The following SOAT2 variants were observed in gnomAD, a reference collection of about 807,000 sequenced individuals.
SOAT2 encodes the protein sterol O-acyltransferase 2, also known as ACAT-2.
In SOAT2, 87 loss-of-function variants were observed where a neutral mutation model predicts 76.0. The ratio of observed to expected loss-of-function variants is 1.14; its 90% confidence interval spans 0.96 to 1.37. The LOEUF is 1.37. SOAT2 is among the 40% of genes most tolerant of loss of function. The pLI, the probability that SOAT2 is intolerant of heterozygous loss-of-function variation, is 0.00. For missense variants in SOAT2, 686 were observed against 682.1 expected, an observed-to-expected ratio of 1.01 and a Z score of -0.06; for synonymous variants, 285 against 275.4, an observed-to-expected ratio of 1.03 and a Z score of -0.34.
intron 11 of SOAT2, 152 bp from the exon 12 acceptor site, chr12:53,121,151 G>T (rs955339813): frequency 1.5e-6 from 1 of 667,976 alleles, no homozygotes; most frequent in African/African-American, 1.8e-5. Context: ...CCTGAGGAGG[G>T]AGGTGGGAGA....
rs1249872958 is a variant in SOAT2 at position 53,123,161 on chromosome 12, C to A, written c.1317C>A (p.Cys439Ter). The A allele has an allele frequency of 1.2e-6, 2 of 1,614,000 alleles. No individual in the cohort carries two copies. Among genetic ancestry groups the A allele is most frequent in the African/African-American group, 2.7e-5 (2 of 74,934 alleles). ...VSAVAHEYIF[C>*]FVLGFFYPVM... ...CAGTGGCCCATGAGTATATCTTCTG[C>A]TTCGTCCTGGGGTTCTTCTATCCCG... Residue 439 changes from cysteine to a stop codon, truncating the protein, a stop_gained, in exon 13 of 15, where the codon TGC becomes TGA. Transcript: ENST00000301466. LOFTEE classifies it high-confidence loss of function.
At chr12:53,118,307 C>T (rs1565628391) in intron 7 of SOAT2, 43 bp from the exon 8 acceptor site, 1 of 1,344,786 alleles carries the variant, frequency 7.4e-7, no homozygotes, top group Non-Finnish European at 1.1e-6. Flanking sequence ...CCTCTGCCCT[C>T]TGCCCTTGCC....
rs573208326 is a variant in SOAT2, at chr12:53,114,032, G to A, written c.444-1358G>A. On this transcript the variant is annotated intron_variant, in intron 5 of 14. Transcript: ENST00000301466. ...AAGGCCTAGGCAAAACTCTTGGTGG[G>A]CTTTTGTTACATTCTGGCCTTTGTA... 3.9e-5 allele frequency among the ~76,000 whole-genome samples: 6 copies of A among 152,196 alleles called. No individual in the cohort carries two copies. In the East Asian group the frequency reaches 9.7e-4, roughly 24 times the overall value.
chr12:53,113,247 A>G (rs1258938259), intron 5 of SOAT2, among the ~76,000 whole-genome samples: 1 of 152,146 alleles, frequency 6.6e-6, no homozygotes, highest in African/African-American at 2.4e-5. Context: ...AGTGAGCCCT[A>G]TTGCTTCCCT....
intron 11 of SOAT2, 97 bp downstream of exon 11, chr12:53,120,980 A>G: frequency 2.2e-6 from 2 of 906,780 alleles, no homozygotes; most frequent in Non-Finnish European, 1.8e-6. Flanking sequence ...CACTTCAGCC[A>G]TGCTGTTCAC....
Position 53,121,380 on chromosome 12 carries a change from C to T in SOAT2, c.1215C>T (p.Tyr405=), listed in dbSNP as rs763103587. 25 of 1,613,984 alleles carry T rather than the reference C, an allele frequency of 1.5e-5. No individual in the cohort carries two copies. Among genetic ancestry groups the T allele is most frequent in the African/African-American group, 6.7e-5 (5 of 74,912 alleles). The change falls in exon 12 of 15, where the codon TAC becomes TAT. Residue 405 remains tyrosine, a synonymous_variant. Transcript: ENST00000301466. ...TGGTCCATGACTGGCTGTACAGCTA[C>T]GTGTATCAGGATGGGCTGCGGGTAT... ...NVVVHDWLYS[Y]VYQDGLRLLG...
At position 53,105,547 on chromosome 12, in the gene SOAT2, A is replaced by T; in HGVS notation, c.276-14A>T. 6.2e-7 allele frequency: 1 copy of T among 1,609,312 alleles called. No homozygotes were observed. The highest frequency in any genetic ancestry group is 8.5e-7 in the Non-Finnish European group (1 of 1,177,140). On this transcript the variant is annotated splice_polypyrimidine_tract_variant and intron_variant, in intron 3 of 14. Transcript: ENST00000301466. ...TTTACTTTTTCCTGACCCTGAACAA[A>T]CATCTCAATTCAGGACCCAGGAGCC...
intron 10 of SOAT2, among the ~76,000 whole-genome samples, chr12:53,120,305 C>T (rs822686): frequency 0.27 from 40,596 of 151,682 alleles, 8,198 homozygotes; most frequent in African/African-American, 0.57. Flanking sequence ...CCATCTCTAC[C>T]AAAAATACAA....
At chr12:53,121,725 C>T (rs1418953011) in intron 12 of SOAT2, among the ~76,000 whole-genome samples, 1 of 150,324 alleles carries the variant, frequency 6.7e-6, no homozygotes, top group Non-Finnish European at 1.5e-5. Flanking sequence ...CACAGTAACC[C>T]TGAGAAATAA....
chr12:53,105,862 C>A (rs1449583328), intron 4 of SOAT2, 45 bp from the exon 5 acceptor site: 18 of 1,490,702 alleles, frequency 1.2e-5, no homozygotes, highest in Non-Finnish European at 1.7e-5. Context: ...TTCACACAAC[C>A]CTGAGGACCC....
chr12:53,107,443 G>A (rs915854312), intron 5 of SOAT2, among the ~76,000 whole-genome samples: 1 of 152,128 alleles, frequency 6.6e-6, no homozygotes, highest in South Asian at 2.1e-4. Context: ...AGAAAGCAGA[G>A]CTTAGGTTTC....
intron 5 of SOAT2, among the ~76,000 whole-genome samples, chr12:53,107,550 T>C (rs1366612461): frequency 6.7e-6 from 1 of 149,832 alleles, no homozygotes; most frequent in East Asian, 2.0e-4. Context: ...AAAGTTAGAA[T>C]TTAATCCAAA....
At chr12:53,118,280 C>T (rs930748843) in intron 7 of SOAT2, 70 bp from the exon 8 acceptor site, 2 of 639,618 alleles carry the variant, frequency 3.1e-6, no homozygotes, top group Non-Finnish European at 2.9e-6. Flanking sequence ...CACCACCCTT[C>T]CCCAGCAGCC....
Position 53,123,756 on chromosome 12 carries a change from G to A in SOAT2, c.1401G>A (p.Gln467=). The A allele has an allele frequency of 6.2e-7, 1 of 1,614,136 alleles. No individual in the cohort carries two copies. The highest frequency in any genetic ancestry group is 8.5e-7 in the Non-Finnish European group (1 of 1,180,022). The change falls in exon 14 of 15, where the codon CAG becomes CAA. Residue 467 remains glutamine, a synonymous_variant. Transcript: ENST00000301466. ...TGTTGAACTTCATGATGCATGACCA[G>A]CGCACCGGCCCGGCATGGAACGTGC... is the stretch of plus-strand genomic sequence containing the variant. ...GGMLNFMMHD[Q]RTGPAWNVLM...
intron 7 of SOAT2, 59 bp from the exon 8 acceptor site, chr12:53,118,291 C>T: frequency 5.8e-6 from 6 of 1,034,420 alleles, no homozygotes; most frequent in Non-Finnish European, 9.2e-6. Context: ...CCCAGCAGCC[C>T]CCTCACCTCT....
intron 12 of SOAT2, among the ~76,000 whole-genome samples, chr12:53,122,698 A>G (rs912314477): frequency 1.4e-4 from 22 of 152,182 alleles, no homozygotes; most frequent in African/African-American, 2.4e-4. Flanking sequence ...TTTTCTTAGT[A>G]CAGAACAAAA....
intron 5 of SOAT2, among the ~76,000 whole-genome samples, chr12:53,110,923 A>G (rs927014644): frequency 1.3e-5 from 2 of 151,970 alleles, no homozygotes; most frequent in African/African-American, 4.8e-5. Context: ...TAAGGTTTGA[A>G]TTAGACAAAA....
At chr12:53,118,073 G>C (rs1418746892) in intron 7 of SOAT2, among the ~76,000 whole-genome samples, 1 of 152,082 alleles carries the variant, frequency 6.6e-6, no homozygotes, top group Admixed American at 6.5e-5. Context: ...CGAACGTGTG[G>C]GTACCAAATG....
Position 53,105,895 on chromosome 12 carries a change from C to T in SOAT2, c.336-12C>T, listed in dbSNP as rs1937927502. ...CCCTCCCACACTGACTTTCGGGCCC[C>T]TGTCCCTCTAGTGAGCTGATGGAGG... On this transcript the variant is annotated splice_polypyrimidine_tract_variant and intron_variant, in intron 4 of 14. Coordinates refer to ENST00000301466, the MANE Select transcript of SOAT2 (RefSeq NM_003578.4). 9.2e-6 allele frequency: 13 copies of T among 1,417,914 alleles called. No homozygotes were observed. Among genetic ancestry groups the T allele is most frequent in the Non-Finnish European group, 1.2e-5 (13 of 1,089,504 alleles). 87.8% of individuals were successfully genotyped at this position (1,417,914 alleles called of 1,614,324 possible).
Sources: gnomAD v4.1 joint callset for allele counts (sites outside exome capture counted in the v4.1 genomes callset) on GRCh38, gnomAD v4.1.1 for gene constraint, MANE v1.5 for transcripts, NCBI Gene and HGNC (gene_info 2026-07-23, HGNC 2026-07-21) for gene names.